The following ABLIM2 variants were observed in gnomAD, a reference collection of about 807,000 sequenced individuals.
ABLIM2 encodes actin binding LIM protein family member 2, also known as actin-binding LIM protein 2.
ABLIM2 carries 53 observed loss-of-function variants against 97.7 expected under a neutral mutation model. That is an observed-to-expected ratio of 0.54 (90% CI 0.44 to 0.68). The LOEUF is 0.68. Among genes scored for constraint, ABLIM2 ranks in the 30% least tolerant of loss-of-function variants. The pLI is 0.00. For synonymous variants in ABLIM2, 361 were observed against 345.8 expected (o/e 1.04, Z -0.49); for missense variants, 835 against 867.2 (o/e 0.96, Z 0.47).
At chr4:7,977,671 G>A (rs1734600508) in intron 20 of ABLIM2, among the ~76,000 whole-genome samples, 1 of 152,066 alleles carries the variant, frequency 6.6e-6, no homozygotes, top group Non-Finnish European at 1.5e-5. Context: ...GGTGCCTGTA[G>A]TCCCAGCTAC....
In ABLIM2 at chr4:8,004,477, G is replaced by T. The variant is rs537024043; in HGVS notation, c.1618+3582C>A. 3.3e-4 allele frequency among the ~76,000 whole-genome samples: 50 copies of T among 152,282 alleles called. No homozygotes were observed. The South Asian group carries it at 6.8e-3, about 21-fold the overall frequency. On this transcript the variant is annotated intron_variant, in intron 16 of 20. Transcript: ENST00000447017. This position sits in a 1 kb window ranked among gnomAD's most constrained non-coding sequence, Gnocchi z 5.9. ...GGGTCTTATTCCCTTCGGAAGTGCT[G>T]GGTCCTTTCTAGGGGCCACTGAGTC...
chr4:8,059,053 C>G (rs545803826), intron 7 of ABLIM2, among the ~76,000 whole-genome samples: 1 of 152,120 alleles, frequency 6.6e-6, no homozygotes, highest in East Asian at 1.9e-4. Context: ...ATGGTCCTGA[C>G]TCCTGTTGGG....
Position 8,128,342 on chromosome 4 carries a change from G to A in ABLIM2, c.11-21705C>T, listed in dbSNP as rs951486017. On this transcript the variant is annotated intron_variant, in intron 1 of 20. Coordinates refer to ENST00000447017, the MANE Select transcript of ABLIM2 (RefSeq NM_001130083.2). The surrounding 1 kb of genome is among the most constrained non-coding windows in gnomAD (Gnocchi z 4.9). Reference sequence around the variant, plus strand: ...CATTCAGAGCTTCCAGGTGGGTGGGGCCACAAGAAGACGTGTCTCTATCTA... The same window carrying A: ...CATTCAGAGCTTCCAGGTGGGTGGGACCACAAGAAGACGTGTCTCTATCTA... Among the ~76,000 whole-genome samples the A allele has an allele frequency of 1.3e-5, 2 of 152,132 alleles. No individual in the cohort carries two copies. Among genetic ancestry groups the A allele is most frequent in the African/African-American group, 4.8e-5 (2 of 41,414 alleles).
At chr4:8,089,785 T>C (rs1246118814) in intron 3 of ABLIM2, among the ~76,000 whole-genome samples, 1 of 150,500 alleles carries the variant, frequency 6.6e-6, no homozygotes, top group Non-Finnish European at 1.5e-5. Flanking sequence ...TGTTGGGTTC[T>C]GTCTGTCTTC....
In ABLIM2 at chr4:8,123,762, G is replaced by A. The variant is rs553983254; in HGVS notation, c.11-17125C>T. Among the ~76,000 whole-genome samples, 5 of 152,204 alleles carry A rather than the reference G, an allele frequency of 3.3e-5. No individual in the cohort carries two copies. Among genetic ancestry groups the A allele is most frequent in the Admixed American group, 1.3e-4 (2 of 15,298 alleles). ...ACACATGGGCAGGCAGGGGTGTGCC[G>A]GCATTGGGTCACACAGCCCAACTGG... is the stretch of plus-strand genomic sequence containing the variant. On this transcript the variant is annotated intron_variant, in intron 1 of 20. Transcript: ENST00000447017. This position sits in a 1 kb window ranked among gnomAD's most constrained non-coding sequence, Gnocchi z 6.2.
chr4:8,118,781 C>G (rs910077218), intron 1 of ABLIM2, among the ~76,000 whole-genome samples: 1 of 152,246 alleles, frequency 6.6e-6, no homozygotes, highest in Admixed American at 6.5e-5. Flanking sequence ...GAAGACCCTA[C>G]TTGTCCTTCC....
At chr4:8,103,457 G>T (rs560906191) in intron 2 of ABLIM2, among the ~76,000 whole-genome samples, 1 of 152,240 alleles carries the variant, frequency 6.6e-6, no homozygotes, top group Non-Finnish European at 1.5e-5. Context: ...TCACTGCCCT[G>T]GCTGCCACAT....
intron 1 of ABLIM2, among the ~76,000 whole-genome samples, chr4:8,126,345 C>T (rs1847916394): frequency 6.6e-6 from 1 of 152,074 alleles, no homozygotes; most frequent in Admixed American, 6.5e-5. Context: ...CGCTGGAGGC[C>T]CTGGCACTGT....
chr4:8,111,149 A>C (rs1424626699), intron 1 of ABLIM2, among the ~76,000 whole-genome samples: 1 of 152,236 alleles, frequency 6.6e-6, no homozygotes, highest in African/African-American at 2.4e-5. Context: ...CAGACGATGA[A>C]ATATTATTCA....
chr4:8,009,027 C>G (rs776055532), intron 15 of ABLIM2, 23 bp downstream of exon 15: 2 of 1,613,834 alleles, frequency 1.2e-6, no homozygotes, highest in East Asian at 4.5e-5. Flanking sequence ...CTGTTCTCAG[C>G]CAGATCTGCT....
At position 8,046,337 on chromosome 4, in the gene ABLIM2, G is replaced by A. The variant is rs1434173827; in HGVS notation, c.823-1096C>T. Among the ~76,000 whole-genome samples, 1 of 151,992 alleles carries A rather than the reference G, an allele frequency of 6.6e-6. No individual in the cohort carries two copies. Among genetic ancestry groups the A allele is most frequent in the Admixed American group, 6.5e-5 (1 of 15,272 alleles). ...CACCTGCAGGGCAGGGGCCTCTCCT[G>A]GTTCAGCTCTCACTGGAGCTGCACA... On this transcript the variant is annotated intron_variant, in intron 8 of 20. Coordinates refer to ENST00000447017, the MANE Select transcript of ABLIM2 (RefSeq NM_001130083.2). The surrounding 1 kb of genome is among the most constrained non-coding windows in gnomAD (Gnocchi z 4.4).
chr4:8,107,016 C>G (rs370920422), intron 1 of ABLIM2, among the ~76,000 whole-genome samples: 2 of 152,244 alleles, frequency 1.3e-5, no homozygotes, highest in South Asian at 2.1e-4. Context: ...CGACCTTACC[C>G]TCAGGGGTCT....
intron 11 of ABLIM2, among the ~76,000 whole-genome samples, 186 bp from the exon 12 acceptor site, chr4:8,028,043 G>A (rs116813117): frequency 0.016 from 2,397 of 152,340 alleles, 68 homozygotes; most frequent in African/African-American, 0.055. Flanking sequence ...CGAGGAAACC[G>A]GACCTCAGAG....
intron 9 of ABLIM2, among the ~76,000 whole-genome samples, chr4:8,038,689 G>T (rs1012511833): frequency 2.6e-5 from 4 of 152,192 alleles, no homozygotes; most frequent in Non-Finnish European, 4.4e-5. Context: ...AGAGAAAGAA[G>T]TTCTGACATC....
At chr4:7,971,580 G>T (rs1728089346) in intron 20 of ABLIM2, among the ~76,000 whole-genome samples, 1 of 152,138 alleles carries the variant, frequency 6.6e-6, no homozygotes, top group Non-Finnish European at 1.5e-5. Flanking sequence ...TGGGAGCCAG[G>T]TTAGGTGGCT....
Position 8,087,950 on chromosome 4 carries a change from G to A in ABLIM2, c.454+219C>T, listed in dbSNP as rs1824817496. On this transcript the variant is annotated intron_variant, in intron 4 of 20. Coordinates refer to ENST00000447017, the MANE Select transcript of ABLIM2 (RefSeq NM_001130083.2). This position sits in a 1 kb window ranked among gnomAD's most constrained non-coding sequence, Gnocchi z 4.6. Reference sequence around the variant, plus strand: ...CCCGTTTCTCAGGCTCTGTCCCTGGGCACTGCAGAGACCAAGCCCCCAACT... The same window carrying A: ...CCCGTTTCTCAGGCTCTGTCCCTGGACACTGCAGAGACCAAGCCCCCAACT... Among the ~76,000 whole-genome samples the A allele has an allele frequency of 6.6e-6, 1 of 151,498 alleles. No individual in the cohort carries two copies. The highest frequency in any genetic ancestry group is 1.5e-5 in the Non-Finnish European group (1 of 67,894).
chr4:8,054,389 C>T lies in ABLIM2; in HGVS notation c.764-143G>A. The stretch of plus-strand genomic sequence containing the variant: ...CTCCAAGCGGCCCTGAGCATCCTCT[C>T]TGTGCTGGAGTTAGTGCCGGGCAGG... On this transcript the variant is annotated intron_variant, in intron 7 of 20. Coordinates refer to ENST00000447017, the MANE Select transcript of ABLIM2 (RefSeq NM_001130083.2). This position sits in a 1 kb window ranked among gnomAD's most constrained non-coding sequence, Gnocchi z 4.9. 1 of 866,334 alleles carries T rather than the reference C, an allele frequency of 1.2e-6. No homozygotes were observed. Among genetic ancestry groups the T allele is most frequent in the Non-Finnish European group, 1.8e-6 (1 of 542,958 alleles). 53.7% of individuals were successfully genotyped at this position (866,334 alleles called of 1,614,324 possible).
rs755286489 is a variant in ABLIM2 at position 8,036,137 on chromosome 4, C to A, written c.1047+12G>T. On this transcript the variant is annotated intron_variant, in intron 10 of 20. Transcript: ENST00000447017. ...ACACAGGTGTCCAGGGCCATGTGGG[C>A]AGGGTCCATACCTCGCCGTAGCTCT... 4.3e-6 allele frequency: 7 copies of A among 1,612,996 alleles called. No homozygotes were observed. The highest frequency in any genetic ancestry group is 5.9e-6 in the Non-Finnish European group (7 of 1,179,456).
intron 6 of ABLIM2, among the ~76,000 whole-genome samples, chr4:8,066,360 GGGAAGGAAGGAAGGAAGGAAGGAAGGAA>G (rs766354971): frequency 1.2e-4 from 6 of 51,194 alleles, no homozygotes; most frequent in African/African-American, 2.9e-4. Context: ...GAGGGAGGGA[GGGAAGGAAGGAAGGAAGGAAGGAAGGAA>G]GGAAGGAAGG....
Sources: allele counts gnomAD v4.1 joint callset (sites outside exome capture counted in the v4.1 genomes callset), GRCh38; gene constraint gnomAD v4.1.1; non-coding constraint Gnocchi (gnomAD v3.1); transcripts MANE v1.5; gene names NCBI Gene and HGNC (gene_info 2026-07-23, HGNC 2026-07-21).